Variants in ACYP2 observed in about 807,000 individuals in gnomAD.
ACYP2 encodes acylphosphatase-2.
ACYP2 carries 12 observed loss-of-function variants against 11.2 expected under a neutral mutation model. That is an observed-to-expected ratio of 1.08 (90% CI 0.69 to 1.74). The LOEUF (loss-of-function observed/expected upper bound fraction) is 1.74. Ranked by LOEUF, ACYP2 falls within the 40% of genes most tolerant of loss-of-function variation. The probability of loss-of-function intolerance (pLI) is 0.00; values close to 1 mark genes in which losing one functional copy is unlikely to be tolerated. For missense variants in ACYP2, 134 were observed against 101.9 expected, an observed-to-expected ratio of 1.31 and a Z score of -1.35; for synonymous variants, 43 against 32.2, an observed-to-expected ratio of 1.33 and a Z score of -1.13.
At position 54,165,365 on chromosome 2, in the gene ACYP2, C is replaced by G. The variant is rs1017409693; in HGVS notation, c.404+26617C>G. On this transcript the variant is annotated intron_variant, in intron 6 of 6. Transcript: ENST00000607452. Reference sequence around the variant, plus strand: ...ATACTGCTAGTCACAAATTCCAAAGCTGGCCATTCATTGTTAGTTAGTACT... The same window carrying G: ...ATACTGCTAGTCACAAATTCCAAAGGTGGCCATTCATTGTTAGTTAGTACT... Among the ~76,000 whole-genome samples the G allele has an allele frequency of 4.6e-5, 7 of 152,286 alleles. No individual in the cohort carries two copies. The South Asian group carries it at 1.5e-3, about 32-fold the overall frequency.
At chr2:54,084,988 AG>A (rs1291894686) in intron 4 of ACYP2, 1 of 152,156 alleles carries the variant, frequency 6.6e-6, no homozygotes, top group Non-Finnish European at 1.5e-5. Flanking sequence ...TTTTTAGGTG[AG>A]GCGTGGGGAA....
chr2:54,118,749 A>G (rs368335946), intron 4 of ACYP2, among the ~76,000 whole-genome samples: 1 of 152,248 alleles, frequency 6.6e-6, no homozygotes, highest in Non-Finnish European at 1.5e-5. Flanking sequence ...CTTTAGGGCA[A>G]TAATTCCTAT....
intron 4 of ACYP2, among the ~76,000 whole-genome samples, chr2:54,129,995 T>C (rs1240210091): frequency 2.0e-5 from 3 of 151,560 alleles, no homozygotes; most frequent in Non-Finnish European, 4.4e-5. Flanking sequence ...TATCAGCTGG[T>C]TTTTAAAAAT....
chr2:54,109,172 G>A (rs1679325041), intron 4 of ACYP2, among the ~76,000 whole-genome samples: 1 of 152,030 alleles, frequency 6.6e-6, no homozygotes, highest in Non-Finnish European at 1.5e-5. Flanking sequence ...TCAATGAGTA[G>A]ATAAAGAAAA....
intron 4 of ACYP2, chr2:54,115,694 C>G (rs1679718431): frequency 1.2e-6 from 2 of 1,611,474 alleles, no homozygotes; most frequent in African/African-American, 1.3e-5. Context: ...GGGCTCGCCG[C>G]CGCCATGTCT....
chr2:54,274,747 T>A (rs1209741595), intron 6 of ACYP2, among the ~76,000 whole-genome samples: 1 of 152,114 alleles, frequency 6.6e-6, no homozygotes, highest in Non-Finnish European at 1.5e-5. Flanking sequence ...CCCTAAGTTT[T>A]TATATAAAAA....
intron 6 of ACYP2, among the ~76,000 whole-genome samples, chr2:54,247,234 G>A (rs1177479345): frequency 5.3e-5 from 8 of 151,978 alleles, no homozygotes; most frequent in African/African-American, 1.9e-4. Flanking sequence ...GGGACTTCAC[G>A]TGTATTGCTT....
chr2:54,291,835 C>G (rs922125315), intron 6 of ACYP2, among the ~76,000 whole-genome samples: 1 of 152,100 alleles, frequency 6.6e-6, no homozygotes, highest in African/African-American at 2.4e-5. Context: ...GAAAAATTGT[C>G]CAAGGCTTGA....
intron 6 of ACYP2, among the ~76,000 whole-genome samples, chr2:54,204,724 A>C (rs1190030755): frequency 6.6e-6 from 1 of 151,916 alleles, no homozygotes; most frequent in Non-Finnish European, 1.5e-5. Context: ...TTCTTTCTTC[A>C]CTTCAGGGTT....
chr2:54,041,046 G>A (rs1020094233), intron 2 of ACYP2, among the ~76,000 whole-genome samples: 4 of 152,054 alleles, frequency 2.6e-5, no homozygotes, highest in Non-Finnish European at 5.9e-5. Flanking sequence ...CACAAGGAAA[G>A]CGGTGGCCTT....
intron 6 of ACYP2, among the ~76,000 whole-genome samples, chr2:54,241,354 G>T (rs549559311): frequency 2.0e-5 from 3 of 152,252 alleles, no homozygotes; most frequent in African/African-American, 7.2e-5. Context: ...GTTTAAGTAT[G>T]ATATTGAACC....
At chr2:53,973,645 C>T (rs1671288633) in intron 1 of ACYP2, 1 of 206,204 alleles carries the variant, frequency 4.8e-6, no homozygotes, top group South Asian at 1.9e-4. Flanking sequence ...CACTTAACTC[C>T]ACCACCTATT....
chr2:54,070,270 C>CA (rs200624759), intron 4 of ACYP2, among the ~76,000 whole-genome samples: 12,038 of 89,630 alleles, frequency 0.13, 723 homozygotes, highest in East Asian at 0.32. Context: ...AAGTCCATCT[C>CA]AAAAAAAAAA....
At chr2:54,082,309 G>A (rs931500898) in intron 4 of ACYP2, among the ~76,000 whole-genome samples, 41 of 150,478 alleles carry the variant, frequency 2.7e-4, no homozygotes, top group African/African-American at 9.3e-4. Flanking sequence ...GCAGTGGTGT[G>A]GTCTCGGCTC....
At chr2:54,082,948 A>G (rs1359031045) in intron 4 of ACYP2, among the ~76,000 whole-genome samples, 1 of 152,102 alleles carries the variant, frequency 6.6e-6, no homozygotes, top group African/African-American at 2.4e-5. Flanking sequence ...GGTGGTGAGC[A>G]TCTGTAATCC....
At chr2:54,115,809 GA>G in intron 4 of ACYP2, 53 bp downstream of exon 1, 1 of 1,513,724 alleles carries the variant, frequency 6.6e-7, no homozygotes, top group South Asian at 1.2e-5. Flanking sequence ...AGGAAGGGGA[GA>G]AAGCTGTGAG....
intron 6 of ACYP2, among the ~76,000 whole-genome samples, chr2:54,205,520 G>T (rs183717876): frequency 6.6e-6 from 1 of 152,282 alleles, no homozygotes; most frequent in East Asian, 1.9e-4. Flanking sequence ...TCTTTGAGAT[G>T]GCTTGAGTTG....
chr2:53,979,366 C>T (rs574925065), intron 2 of ACYP2, among the ~76,000 whole-genome samples: 1 of 152,078 alleles, frequency 6.6e-6, no homozygotes, highest in African/African-American at 2.4e-5. Context: ...TGGTGGCTCA[C>T]GCTTGTAATC....
chr2:54,011,349 T>C (rs1673362372), intron 2 of ACYP2, among the ~76,000 whole-genome samples: 1 of 152,218 alleles, frequency 6.6e-6, no homozygotes, highest in Admixed American at 6.5e-5. Context: ...AATAAAACGT[T>C]CTCTCTCCTG....
Sources: allele counts gnomAD v4.1 joint callset (sites outside exome capture counted in the v4.1 genomes callset), GRCh38; gene constraint gnomAD v4.1.1; transcripts MANE v1.5; gene names NCBI Gene and HGNC (gene_info 2026-07-23, HGNC 2026-07-21).